The following OR2L13 variants were observed in gnomAD, a reference collection of about 807,000 sequenced individuals.
The protein encoded by OR2L13 is olfactory receptor 2L13.
In OR2L13, 14 loss-of-function variants were observed where a neutral mutation model predicts 15.3. The ratio of observed to expected loss-of-function variants is 0.91; its 90% CI spans 0.60 to 1.43. The LOEUF is 1.43. OR2L13 is among the 40% of genes most tolerant of loss of function. The pLI is 0.00. For synonymous variants in OR2L13, 152 were observed against 142.9 expected (o/e 1.06, Z -0.45); for missense variants, 367 against 387.9 (o/e 0.95, Z 0.45).
the OR2L13 span, among the ~76,000 whole-genome samples, chr1:248,085,912 A>G: frequency 6.6e-6 from 1 of 152,222 alleles, no homozygotes; most frequent in Non-Finnish European, 1.5e-5. Context: ...GCTGCTGCTG[A>G]TCTGACGGAG....
chr1:248,009,233 C>T, the OR2L13 span, among the ~76,000 whole-genome samples: 1 of 151,834 alleles, frequency 6.6e-6, no homozygotes, highest in Non-Finnish European at 1.5e-5. Flanking sequence ...TCAATGAATC[C>T]AGGAGCTGGT....
At chr1:247,971,819 C>A in the OR2L13 span, among the ~76,000 whole-genome samples, 3 of 152,146 alleles carry the variant, frequency 2.0e-5, no homozygotes, top group African/African-American at 7.2e-5. Flanking sequence ...AATGTACATT[C>A]TTTTCAGCAA....
At chr1:248,041,558 C>T in the OR2L13 span, 2 of 152,160 alleles carry the variant, frequency 1.3e-5, no homozygotes, top group African/African-American at 2.4e-5. Context: ...AAACTACCAT[C>T]AGAGTGAACA....
At chr1:248,088,354 G>T in the OR2L13 span, among the ~76,000 whole-genome samples, 1 of 151,922 alleles carries the variant, frequency 6.6e-6, no homozygotes, top group Non-Finnish European at 1.5e-5. Context: ...AACTTTACAT[G>T]TTTAAATGTT....
chr1:248,068,160 C>T, the OR2L13 span, among the ~76,000 whole-genome samples: 1,130 of 152,266 alleles, frequency 7.4e-3, 19 homozygotes, highest in African/African-American at 0.026. Context: ...TCCCAGCACG[C>T]AGCTGGAGAT....
the OR2L13 span, chr1:248,061,368 T>G: frequency 6.2e-7 from 1 of 1,614,102 alleles, no homozygotes; most frequent in Middle Eastern, 1.6e-4. Flanking sequence ...ACATGAAATC[T>G]GCAGAAGGGA....
the OR2L13 span, among the ~76,000 whole-genome samples, chr1:248,070,781 T>A: frequency 3.9e-5 from 6 of 152,114 alleles, no homozygotes; most frequent in African/African-American, 1.4e-4. Context: ...CAATAAAAAA[T>A]GATAAAGTGG....
At chr1:248,095,606 G>GGTTTTTTTTTTTTTT (rs1476154907), upstream of OR2L13, among the ~76,000 whole-genome samples, 1 of 6,628 alleles carries the variant, frequency 1.5e-4, no homozygotes, top group Non-Finnish European at 4.9e-4. Context: ...TAAAGCTGCT[G>GGTTTTTTTTTTTTTT]CTTTTTTTTT....
chr1:247,959,490 G>C, the OR2L13 span, among the ~76,000 whole-genome samples: 70 of 152,136 alleles, frequency 4.6e-4, 2 homozygotes, highest in East Asian at 9.3e-3. Context: ...ATGTTGGCCT[G>C]CCTTGCTAGA....
chr1:248,091,619 C>G (rs1434626682), upstream of OR2L13, among the ~76,000 whole-genome samples: 1 of 151,870 alleles, frequency 6.6e-6, no homozygotes, highest in Non-Finnish European at 1.5e-5. Flanking sequence ...TCTGGGCTCT[C>G]CATTCTGTTC....
chr1:247,981,571 A>G, the OR2L13 span, among the ~76,000 whole-genome samples: 1 of 152,324 alleles, frequency 6.6e-6, no homozygotes, highest in South Asian at 2.1e-4. Context: ...TAATAGAAAT[A>G]TCTGCTTTAA....
the OR2L13 span, chr1:248,084,478 T>C: frequency 3.7e-6 from 6 of 1,612,734 alleles, no homozygotes; most frequent in African/African-American, 2.7e-5. Context: ...CATGAGGGAA[T>C]TGCCAAACAG....
chr1:247,972,673 T>C, the OR2L13 span, among the ~76,000 whole-genome samples: 1 of 152,052 alleles, frequency 6.6e-6, no homozygotes, highest in African/African-American at 2.4e-5. Flanking sequence ...CCAGACAGAT[T>C]CACAGCCAAA....
the OR2L13 span, among the ~76,000 whole-genome samples, chr1:247,982,577 C>T: frequency 1.3e-5 from 2 of 152,154 alleles, no homozygotes; most frequent in African/African-American, 4.8e-5. Context: ...TGTAGATCCT[C>T]AACTTGATTA....
At chr1:248,028,119 C>T in the OR2L13 span, among the ~76,000 whole-genome samples, 3 of 118,412 alleles carry the variant, frequency 2.5e-5, no homozygotes, top group African/African-American at 6.9e-5. Context: ...CTAGCCTGAG[C>T]GACAGAGCGA....
At chr1:248,095,487 T>C (rs1045045902), upstream of OR2L13, among the ~76,000 whole-genome samples, 11 of 152,096 alleles carry the variant, frequency 7.2e-5, no homozygotes, top group Non-Finnish European at 8.8e-5. Context: ...CAGAGCCTAT[T>C]GATCAGTGAT....
chr1:248,079,884 C>T, the OR2L13 span, among the ~76,000 whole-genome samples: 1 of 152,114 alleles, frequency 6.6e-6, no homozygotes, highest in Non-Finnish European at 1.5e-5. Context: ...CTTCATGCAA[C>T]TAAAACTTTC....
chr1:248,022,091 C>T, the OR2L13 span: 1 of 1,613,772 alleles, frequency 6.2e-7, no homozygotes, highest in African/African-American at 1.3e-5. Context: ...TTCTTCTCAT[C>T]TTCTTGGACA....
At chr1:247,965,856 A>T in the OR2L13 span, 5 of 1,613,630 alleles carry the variant, frequency 3.1e-6, no homozygotes, top group Non-Finnish European at 4.2e-6. Context: ...TCATACATAC[A>T]TTGTATGTGT....
Sources: allele counts gnomAD v4.1 joint callset (sites outside exome capture counted in the v4.1 genomes callset), GRCh38; gene constraint gnomAD v4.1.1; transcripts MANE v1.5; gene names NCBI Gene and HGNC (gene_info 2026-07-23, HGNC 2026-07-21).